The following ACACB variants were observed in gnomAD, a reference collection of about 807,000 sequenced individuals.
ACACB encodes acetyl-CoA carboxylase beta.
A neutral mutation model predicts 278.8 loss-of-function variants in ACACB; 209 were observed. The ratio of observed to expected loss-of-function variants is 0.75; its 90% CI spans 0.67 to 0.84. The LOEUF (loss-of-function observed/expected upper bound fraction) is 0.84, where lower values mean the gene tolerates loss of function less well. ACACB is among the 40% of genes least tolerant of loss of function. The pLI is 0.00. For missense variants in ACACB, 2,850 were observed against 3,269.0 expected (o/e 0.87, Z 3.13); for synonymous variants, 1,174 against 1,285.6 (o/e 0.91, Z 1.86).
intron 12 of ACACB, among the ~76,000 whole-genome samples, chr12:109,186,382 GGACCTGCTGA>G (rs540610884): frequency 4.6e-4 from 70 of 152,244 alleles, no homozygotes; most frequent in African/African-American, 1.7e-3. Flanking sequence ...CTCCCACCTG[GGACCTGCTGA>G]GACCCATCAG....
intron 2 of ACACB, among the ~76,000 whole-genome samples, chr12:109,143,011 G>C (rs773330989): frequency 3.3e-5 from 5 of 152,236 alleles, no homozygotes; most frequent in Non-Finnish European, 5.9e-5. Flanking sequence ...AGGAGGGACA[G>C]AGGGATCTTG....
intron 48 of ACACB, among the ~76,000 whole-genome samples, chr12:109,260,995 T>A (rs1001027921): frequency 6.6e-6 from 1 of 152,212 alleles, no homozygotes; most frequent in East Asian, 1.9e-4. Flanking sequence ...TGCCTTACTC[T>A]CCTGGTAGGT....
In ACACB at chr12:109,206,695, G is replaced by C. The variant is rs1179968822; in HGVS notation, c.2914-15G>C. ...AGAGTTTTCCTGACCTGTCGTTCTTGTGGTGTCTCATCAGGCTGAACCGTT... is the reference window on the plus strand; with the variant it reads ...AGAGTTTTCCTGACCTGTCGTTCTTCTGGTGTCTCATCAGGCTGAACCGTT... On this transcript the variant is annotated splice_polypyrimidine_tract_variant and intron_variant, in intron 19 of 52. Coordinates refer to ENST00000338432, the MANE Select transcript of ACACB (RefSeq NM_001093.4). 1.2e-5 allele frequency: 20 copies of C among 1,613,370 alleles called. No homozygotes were observed. The highest frequency in any genetic ancestry group is 1.7e-5 in the Non-Finnish European group (20 of 1,179,818).
chr12:109,187,889 A>T, intron 12 of ACACB, 110 bp from the exon 13 acceptor site: 3 of 1,250,336 alleles, frequency 2.4e-6, no homozygotes, highest in Non-Finnish European at 3.3e-6. Context: ...TGACTACCCT[A>T]AGCTTTTGGT....
At chr12:109,211,067 G>C (rs1168649978) in intron 21 of ACACB, among the ~76,000 whole-genome samples, 2 of 152,158 alleles carry the variant, frequency 1.3e-5, no homozygotes, top group Non-Finnish European at 2.9e-5. Context: ...CATTTGAAAG[G>C]CATTTGCACT....
chr12:109,181,224 C>CT (rs1565894807), intron 11 of ACACB, among the ~76,000 whole-genome samples: 3 of 139,748 alleles, frequency 2.1e-5, no homozygotes, highest in Admixed American at 7.0e-5. Context: ...TTTCCTTTTT[C>CT]TTTTCTTTTT....
chr12:109,251,884 AG>A (rs1194924041), intron 41 of ACACB, among the ~76,000 whole-genome samples, 161 bp from the exon 42 acceptor site: 2 of 152,226 alleles, frequency 1.3e-5, no homozygotes, highest in Non-Finnish European at 1.5e-5. Flanking sequence ...AGTGGCCTGA[AG>A]AATAGGCTTT....
At chr12:109,173,205 T>C (rs760635407) in intron 6 of ACACB, among the ~76,000 whole-genome samples, 12 of 152,182 alleles carry the variant, frequency 7.9e-5, no homozygotes, top group Non-Finnish European at 1.6e-4. Context: ...AAATAACTAT[T>C]GGATACTAGG....
chr12:109,187,355 C>T (rs1194593033), intron 12 of ACACB, among the ~76,000 whole-genome samples: 3 of 152,110 alleles, frequency 2.0e-5, no homozygotes, highest in Non-Finnish European at 4.4e-5. Context: ...TCAGAATGTC[C>T]CTTCACTCAG....
Position 109,210,340 on chromosome 12 carries a change from C to T in ACACB, c.3249+987C>T, listed in dbSNP as rs1280744358. ...ATATCTGTGTATATATGTATATACA[C>T]GCACACACATATCTGTGTATATATG... On this transcript the variant is annotated intron_variant, in intron 21 of 52. Transcript: ENST00000338432. 1.3e-4 allele frequency among the ~76,000 whole-genome samples: 3 copies of T among 22,328 alleles called. 1 individual carries two copies. The highest frequency in any genetic ancestry group is 3.2e-3 in the South Asian group (2 of 626). The allele number at this position is 22,328 out of a possible 152,430, so 14.6% of individuals were successfully genotyped here.
At chr12:109,203,410 G>A (rs1048630837) in intron 19 of ACACB, among the ~76,000 whole-genome samples, 4 of 152,120 alleles carry the variant, frequency 2.6e-5, no homozygotes, top group East Asian at 1.9e-4. Flanking sequence ...TCTTTCAACC[G>A]CCCTTTAAAA....
At chr12:109,156,713 G>A (rs2043551890) in intron 2 of ACACB, among the ~76,000 whole-genome samples, 1 of 151,094 alleles carries the variant, frequency 6.6e-6, no homozygotes, top group Admixed American at 6.6e-5. Context: ...AAACATTCAT[G>A]CACACCTCCC....
In ACACB at chr12:109,167,124, C is replaced by T; in HGVS notation, c.786+131C>T. On this transcript the variant is annotated intron_variant, in intron 3 of 52. Transcript: ENST00000338432. ...CAGAGAGGGGGTGAGGGCCACGCTC[C>T]TCTGAGTTTTAATAGTTTAACCCTC... The T allele has an allele frequency of 2.5e-6, 3 of 1,182,420 alleles. No individual in the cohort carries two copies. The Admixed American group carries it at 6.6e-5, about 26-fold the overall frequency. The allele number at this position is 1,182,420 out of a possible 1,614,324, so 73.2% of individuals were successfully genotyped here. A position where few individuals can be genotyped will look rare whatever the true frequency, so the allele number is the denominator to read the frequency against.
intron 12 of ACACB, among the ~76,000 whole-genome samples, chr12:109,187,447 ATT>A (rs2044703161): frequency 1.3e-5 from 2 of 149,848 alleles, no homozygotes; most frequent in African/African-American, 4.9e-5. Context: ...TTATTTATTT[ATT>A]TATTTATTTA....
Position 109,240,879 on chromosome 12 carries a change from G to A in ACACB, c.4819-199G>A, listed in dbSNP as rs140470358. ...AAGCTCGCCTCTCTTGAGTACTTAC[G>A]AAGGCAAAATGAGGTAGAGTTTTAA... On this transcript the variant is annotated intron_variant, in intron 35 of 52. Coordinates refer to ENST00000338432, the MANE Select transcript of ACACB (RefSeq NM_001093.4). 2.7e-3 allele frequency among the ~76,000 whole-genome samples: 417 copies of A among 152,226 alleles called. 2 individuals are homozygous for A. The highest frequency in any genetic ancestry group is 6.8e-3 in the Middle Eastern group (2 of 294).
chr12:109,113,675 T>A (rs2042350826), upstream of ACACB, among the ~76,000 whole-genome samples: 2 of 152,190 alleles, frequency 1.3e-5, no homozygotes, highest in Admixed American at 1.3e-4. Flanking sequence ...TCTGCTTCAG[T>A]TTGCTTCTCA....
intron 16 of ACACB, among the ~76,000 whole-genome samples, chr12:109,195,113 C>T (rs2045070019): frequency 6.6e-6 from 1 of 152,088 alleles, no homozygotes; most frequent in Non-Finnish European, 1.5e-5. Flanking sequence ...GTGTCCTAGC[C>T]ATGGTGTTCT....
rs541604724 is a variant in ACACB, at chr12:109,203,580, C to G, written c.2913+1879C>G. Reference sequence around the variant, plus strand: ...TTGCTCGCTGCTGGGGCCCCAGTGCCAAAAACAGGGCCTAGTACATCAGAG... The same window carrying G: ...TTGCTCGCTGCTGGGGCCCCAGTGCGAAAAACAGGGCCTAGTACATCAGAG... On this transcript the variant is annotated intron_variant, in intron 19 of 52. Coordinates refer to ENST00000338432, the MANE Select transcript of ACACB (RefSeq NM_001093.4). 6.6e-5 allele frequency among the ~76,000 whole-genome samples: 10 copies of G among 152,306 alleles called. 2 individuals carry two copies. The South Asian group carries it at 2.1e-3, about 32-fold the overall frequency.
chr12:109,200,006 T>C (rs1039472433), intron 18 of ACACB, among the ~76,000 whole-genome samples: 1 of 137,262 alleles, frequency 7.3e-6, no homozygotes, highest in African/African-American at 2.8e-5. Flanking sequence ...CACTCCAGCC[T>C]GAGCGACAGA....
Sources: gnomAD v4.1 joint callset for allele counts (sites outside exome capture counted in the v4.1 genomes callset) on GRCh38, gnomAD v4.1.1 for gene constraint, MANE v1.5 for transcripts, NCBI Gene and HGNC (gene_info 2026-07-23, HGNC 2026-07-21) for gene names.